The following NEDD4L variants were observed in gnomAD, a reference collection of about 807,000 sequenced individuals.
The protein encoded by NEDD4L is E3 ubiquitin-protein ligase NEDD4-like.
In NEDD4L, 54 loss-of-function variants were observed where a neutral mutation model predicts 148.9. The observed-to-expected ratio is 0.36, with a 90% CI of 0.29 to 0.45. NEDD4L has a LOEUF of 0.45. Ranked by LOEUF, NEDD4L falls within the 20% of genes least tolerant of loss-of-function variation. The pLI is 1.00. For synonymous variants in NEDD4L, 433 were observed against 440.7 expected (o/e 0.98, Z 0.22); for missense variants, 856 against 1,233.8 (o/e 0.69, Z 4.59).
At chr18:58,247,946 G>T (rs1056682866) in intron 3 of NEDD4L, among the ~76,000 whole-genome samples, 1 of 152,114 alleles carries the variant, frequency 6.6e-6, no homozygotes, top group Non-Finnish European at 1.5e-5. Context: ...TGAAAACGCC[G>T]GTTCAGTGTT....
chr18:58,314,283 G>C (rs1424671560), intron 5 of NEDD4L, among the ~76,000 whole-genome samples: 1 of 152,092 alleles, frequency 6.6e-6, no homozygotes, highest in South Asian at 2.1e-4. Flanking sequence ...TGGGCGTGGT[G>C]GTGTGTGCCT....
intron 1 of NEDD4L, among the ~76,000 whole-genome samples, chr18:58,137,566 C>A (rs1218316457): frequency 1.3e-5 from 2 of 152,236 alleles, no homozygotes; most frequent in African/African-American, 4.8e-5. Context: ...TGTGTATTCA[C>A]TGCCTGTCCT....
At position 58,256,387 on chromosome 18, in the gene NEDD4L, C is replaced by G; in HGVS notation, c.297+4333C>G. ...GTTTTGTCTTCCAGTTGCAGCAGCC[C>G]CAACAAGGCGCTTCGGGGCCAGGCA... On this transcript the variant is annotated intron_variant, in intron 5 of 30. Coordinates refer to ENST00000400345, the MANE Select transcript of NEDD4L (RefSeq NM_001144967.3). The surrounding 1 kb of genome is among the most constrained non-coding windows in gnomAD (Gnocchi z 5.2). The G allele has an allele frequency of 1.6e-6, 2 of 1,232,298 alleles. No individual in the cohort carries two copies. The highest frequency in any genetic ancestry group is 2.0e-6 in the Non-Finnish European group (2 of 988,078). The allele number at this position is 1,232,298 out of a possible 1,614,324, so 76.3% of individuals were successfully genotyped here. A position where few individuals can be genotyped will look rare whatever the true frequency, so the allele number is the denominator to read the frequency against.
chr18:58,268,314 G>A (rs1488518073), intron 5 of NEDD4L, among the ~76,000 whole-genome samples: 1 of 151,966 alleles, frequency 6.6e-6, no homozygotes, highest in Admixed American at 6.6e-5. Flanking sequence ...CCCTCACAGA[G>A]AAGGCAGATG....
At chr18:58,055,296 A>G (rs1347134637) in intron 1 of NEDD4L, among the ~76,000 whole-genome samples, 1 of 152,238 alleles carries the variant, frequency 6.6e-6, no homozygotes. Flanking sequence ...GTCTCTATAA[A>G]ACAAGAAAAA....
At chr18:58,070,124 C>T (rs1423615967) in intron 1 of NEDD4L, among the ~76,000 whole-genome samples, 1 of 152,194 alleles carries the variant, frequency 6.6e-6, no homozygotes, top group African/African-American at 2.4e-5. Context: ...CAGGTCAGCT[C>T]ACATTGTGCA....
At chr18:58,086,462 T>G (rs1234483007) in intron 1 of NEDD4L, among the ~76,000 whole-genome samples, 1 of 152,178 alleles carries the variant, frequency 6.6e-6, no homozygotes, top group African/African-American at 2.4e-5. Flanking sequence ...ATGTACATTC[T>G]CATATATTTA....
At chr18:58,173,976 G>A (rs181035685) in intron 2 of NEDD4L, among the ~76,000 whole-genome samples, 1 of 152,276 alleles carries the variant, frequency 6.6e-6, no homozygotes, top group Admixed American at 6.5e-5. Context: ...TGCAAACTGG[G>A]GACCCCCAGC....
intron 2 of NEDD4L, among the ~76,000 whole-genome samples, chr18:58,216,436 G>A (rs1025885701): frequency 2.6e-5 from 4 of 152,186 alleles, no homozygotes; most frequent in African/African-American, 7.2e-5. Context: ...TAGCAAGTGA[G>A]AGTGACCCAG....
At chr18:58,304,143 C>T (rs951187793) in intron 5 of NEDD4L, among the ~76,000 whole-genome samples, 2 of 152,048 alleles carry the variant, frequency 1.3e-5, no homozygotes, top group African/African-American at 4.8e-5. Context: ...AAATACCTTA[C>T]GAAGCATAGG....
intron 1 of NEDD4L, among the ~76,000 whole-genome samples, chr18:58,145,576 G>C (rs1385691904): frequency 1.3e-5 from 2 of 151,864 alleles, no homozygotes; most frequent in African/African-American, 4.8e-5. Context: ...TGATAATAAG[G>C]GTAATTACTA....
intron 1 of NEDD4L, among the ~76,000 whole-genome samples, chr18:58,117,340 A>G (rs939297265): frequency 2.0e-5 from 3 of 152,226 alleles, no homozygotes; most frequent in Admixed American, 6.5e-5. Context: ...ACTTTTTATC[A>G]TATTCGAATT....
At chr18:58,264,845 G>A (rs2049992810) in intron 5 of NEDD4L, among the ~76,000 whole-genome samples, 2 of 152,050 alleles carry the variant, frequency 1.3e-5, no homozygotes, top group African/African-American at 4.8e-5. Context: ...CAGTAATAGA[G>A]AATATTCTTT....
chr18:58,234,493 G>A (rs1168046464), intron 2 of NEDD4L, among the ~76,000 whole-genome samples: 1 of 151,458 alleles, frequency 6.6e-6, no homozygotes, highest in Non-Finnish European at 1.5e-5. Context: ...CACCATGCCT[G>A]GCTAAGTTTA....
intron 1 of NEDD4L, among the ~76,000 whole-genome samples, chr18:58,081,278 C>T (rs866922817): frequency 7.1e-6 from 1 of 141,092 alleles, no homozygotes; most frequent in African/African-American, 2.8e-5. Flanking sequence ...TGCAGTGGCG[C>T]GATCTCGGCT....
chr18:58,306,878 C>A lies in NEDD4L; in HGVS notation c.298-9104C>A, dbSNP rs141213258. Among the ~76,000 whole-genome samples the A allele has an allele frequency of 5.3e-5, 8 of 152,346 alleles. 1 individual carries two copies. Among genetic ancestry groups the A allele is most frequent in the African/African-American group, 1.9e-4 (8 of 41,580 alleles). ...CGAACTCCTGACCTCAGGTGATTCA[C>A]CCACCTCAGCTTCCCAAAGTGCTGG... On this transcript the variant is annotated intron_variant, in intron 5 of 30. Coordinates refer to ENST00000400345, the MANE Select transcript of NEDD4L (RefSeq NM_001144967.3).
At chr18:58,215,824 C>T (rs2043105344) in intron 2 of NEDD4L, among the ~76,000 whole-genome samples, 1 of 152,136 alleles carries the variant, frequency 6.6e-6, no homozygotes, top group African/African-American at 2.4e-5. Context: ...TTATACTTCG[C>T]ATCATAACAT....
At chr18:58,364,810 A>C (rs1253237994) in intron 20 of NEDD4L, among the ~76,000 whole-genome samples, 1 of 152,234 alleles carries the variant, frequency 6.6e-6, no homozygotes, top group Non-Finnish European at 1.5e-5. Context: ...GTCCAAATGT[A>C]ATTTTCTACT....
chr18:58,229,296 G>T (rs759933537), intron 2 of NEDD4L, among the ~76,000 whole-genome samples: 1 of 152,162 alleles, frequency 6.6e-6, no homozygotes, highest in Admixed American at 6.5e-5. Flanking sequence ...TAGGACTTGG[G>T]CTCATTTGTA....
Sources: allele counts gnomAD v4.1 joint callset (sites outside exome capture counted in the v4.1 genomes callset), GRCh38; gene constraint gnomAD v4.1.1; non-coding constraint Gnocchi (gnomAD v3.1); transcripts MANE v1.5; gene names NCBI Gene and HGNC (gene_info 2026-07-23, HGNC 2026-07-21).